EZR: variants seen among roughly 807,000 people sequenced by gnomAD.
The protein encoded by EZR is ezrin.
Under a neutral mutation model 74.8 loss-of-function variants are expected in EZR, and 40 were observed. The observed-to-expected ratio is 0.53, with a 90% CI of 0.42 to 0.70. EZR has a LOEUF of 0.70. EZR is among the 30% of genes least tolerant of loss of function. The pLI, the probability that EZR is intolerant of heterozygous loss-of-function variation, is 0.00. For synonymous variants in EZR, 341 were observed against 283.3 expected (o/e 1.20, Z -2.05); for missense variants, 678 against 755.8 (o/e 0.90, Z 1.21).
chr6:158,804,897 A>C (rs1462387058), intron 2 of EZR, among the ~76,000 whole-genome samples: 1 of 144,324 alleles, frequency 6.9e-6, no homozygotes, highest in Non-Finnish European at 1.5e-5. Flanking sequence ...ATATCTCCCG[A>C]TGCTATCCCT....
At chr6:158,816,832 T>C (rs1178129853) in intron 2 of EZR, among the ~76,000 whole-genome samples, 2 of 152,156 alleles carry the variant, frequency 1.3e-5, no homozygotes, top group Non-Finnish European at 2.9e-5. Context: ...ACGCCTGTAA[T>C]CCTAGCATTT....
intron 7 of EZR, 64 bp downstream of exon 7, chr6:158,783,456 A>T: frequency 6.7e-7 from 1 of 1,496,068 alleles, no homozygotes; most frequent in Non-Finnish European, 9.0e-7. Flanking sequence ...CAAATTTGCC[A>T]TTTTGCCATT....
chr6:158,807,098 G>C (rs917355292), intron 2 of EZR, among the ~76,000 whole-genome samples: 3 of 152,102 alleles, frequency 2.0e-5, no homozygotes, highest in African/African-American at 7.2e-5. Context: ...GGATCATGAG[G>C]TCAGGAGATC....
At position 158,770,661 on chromosome 6, in the gene EZR, C is replaced by T. The variant is rs145292542; in HGVS notation, c.1090+103G>A. The T allele has an allele frequency of 1.4e-3, 1,890 of 1,354,210 alleles. 21 individuals are homozygous for T. Among genetic ancestry groups the T allele is most frequent in the South Asian group, 0.012 (945 of 78,188 alleles). The allele number at this position is 1,354,210 out of a possible 1,614,324, so 83.9% of individuals were successfully genotyped here. On this transcript the variant is annotated intron_variant, in intron 10 of 13. Coordinates refer to ENST00000367075, the MANE Select transcript of EZR (RefSeq NM_001111077.2). ...GGCTGTGAGTCTGCGCTGTGGGACA[C>T]GTTCTTGGTTTCCTTCCTGGTGAGT...
At chr6:158,798,463 C>T (rs553080926) in intron 2 of EZR, among the ~76,000 whole-genome samples, 14 of 152,170 alleles carry the variant, frequency 9.2e-5, no homozygotes, top group Non-Finnish European at 1.6e-4. Context: ...AACACAGTAG[C>T]GGCGCTCCAA....
intron 1 of EZR, among the ~76,000 whole-genome samples, chr6:158,818,395 G>A (rs913793842): frequency 1.3e-5 from 2 of 151,320 alleles, no homozygotes; most frequent in Admixed American, 6.6e-5. Flanking sequence ...GCGCGCCCAA[G>A]GGGCAGCCGG....
intron 2 of EZR, among the ~76,000 whole-genome samples, chr6:158,792,154 T>C (rs1791765127): frequency 6.6e-6 from 1 of 152,226 alleles, no homozygotes; most frequent in African/African-American, 2.4e-5. Flanking sequence ...TAACTTATTT[T>C]TGGTTCTGAA....
Position 158,766,697 on chromosome 6 carries a change from C to T in EZR, c.*217G>A, listed in dbSNP as rs534201251. 4.6e-5 allele frequency: 27 copies of T among 582,132 alleles called. No homozygotes were observed. The highest frequency in any genetic ancestry group is 4.1e-4 in the Admixed American group (13 of 31,978). The allele number at this position is 582,132 out of a possible 1,614,324, so 36.1% of individuals were successfully genotyped here. ...ACACAGGAGGTGATTCGAGAATAAT[C>T]GCGAGAATCAGGCCTGCTTGGCACT... On this transcript the variant is annotated 3_prime_UTR_variant, in exon 14 of 14. Coordinates refer to ENST00000367075, the MANE Select transcript of EZR (RefSeq NM_001111077.2).
chr6:158,779,126 T>C (rs570107198), intron 7 of EZR, among the ~76,000 whole-genome samples: 2 of 152,282 alleles, frequency 1.3e-5, no homozygotes, highest in African/African-American at 4.8e-5. Context: ...TAAGATAAGA[T>C]ATACCGACCA....
At chr6:158,806,571 A>G (rs1777345614) in intron 2 of EZR, among the ~76,000 whole-genome samples, 1 of 152,118 alleles carries the variant, frequency 6.6e-6, no homozygotes, top group African/African-American at 2.4e-5. Context: ...CACTAAAAAA[A>G]AAAATCACAA....
intron 2 of EZR, among the ~76,000 whole-genome samples, chr6:158,791,491 CTACA>C (rs1298520717): frequency 2.6e-5 from 4 of 152,010 alleles, no homozygotes; most frequent in African/African-American, 9.7e-5. Context: ...GCAGCTCCAG[CTACA>C]TACACAGAAG....
intron 3 of EZR, among the ~76,000 whole-genome samples, chr6:158,788,920 C>T (rs569695889): frequency 4.6e-5 from 7 of 152,234 alleles, no homozygotes; most frequent in East Asian, 1.9e-4. Context: ...GAGGCAGCTG[C>T]GGGTAGGAAG....
At chr6:158,776,088 C>T (rs1386999762) in intron 8 of EZR, among the ~76,000 whole-genome samples, 1 of 152,208 alleles carries the variant, frequency 6.6e-6, no homozygotes, top group Non-Finnish European at 1.5e-5. Flanking sequence ...CCGTCAGGTG[C>T]CGGGGAGAGT....
intron 2 of EZR, among the ~76,000 whole-genome samples, chr6:158,801,574 G>A (rs75067182): frequency 0.02 from 3,035 of 152,242 alleles, 113 homozygotes; most frequent in African/African-American, 0.069. Flanking sequence ...ACATGGGTAC[G>A]CTAGTTATAA....
At chr6:158,800,495 T>C (rs1195325231) in intron 2 of EZR, among the ~76,000 whole-genome samples, 2 of 152,148 alleles carry the variant, frequency 1.3e-5, no homozygotes, top group East Asian at 3.8e-4. Context: ...GAGGTGGAAA[T>C]AACAGTATAA....
chr6:158,772,062 T>C (rs914151288), intron 8 of EZR, among the ~76,000 whole-genome samples: 1 of 152,150 alleles, frequency 6.6e-6, no homozygotes, highest in African/African-American at 2.4e-5. Flanking sequence ...GCCTCCGCTG[T>C]GCACTCGGTT....
At chr6:158,767,551 A>G in intron 12 of EZR, 39 bp from the exon 13 acceptor site, 1 of 1,540,386 alleles carries the variant, frequency 6.5e-7, no homozygotes, top group Non-Finnish European at 8.7e-7. Context: ...TCTCACCCAG[A>G]AGTCCTATCC....
intron 7 of EZR, among the ~76,000 whole-genome samples, chr6:158,781,596 A>C (rs1791433857): frequency 6.6e-6 from 1 of 152,212 alleles, no homozygotes; most frequent in Non-Finnish European, 1.5e-5. Flanking sequence ...GCCACGTTAC[A>C]AAATCTGGTC....
intron 2 of EZR, among the ~76,000 whole-genome samples, chr6:158,804,692 C>T (rs1427529076): frequency 6.6e-6 from 1 of 152,096 alleles, no homozygotes; most frequent in Non-Finnish European, 1.5e-5. Context: ...TTAAACATCA[C>T]TATTCACCTG....
Sources: allele counts gnomAD v4.1 joint callset (sites outside exome capture counted in the v4.1 genomes callset), GRCh38; gene constraint gnomAD v4.1.1; transcripts MANE v1.5; gene names NCBI Gene and HGNC (gene_info 2026-07-23, HGNC 2026-07-21).